The following PDE2A variants were observed in gnomAD, a reference collection of about 807,000 sequenced individuals.
PDE2A encodes the protein phosphodiesterase 2A.
In PDE2A, 53 loss-of-function variants were observed where a neutral mutation model predicts 133.6. The ratio of observed to expected loss-of-function variants is 0.40; its 90% CI spans 0.32 to 0.50. The LOEUF (loss-of-function observed/expected upper bound fraction) is 0.50, where lower values mean the gene tolerates loss of function less well. PDE2A is among the 20% of genes least tolerant of loss of function. PDE2A has a pLI of 0.73. For missense variants in PDE2A, 796 were observed against 1,232.4 expected (o/e 0.65, Z 5.30); for synonymous variants, 491 against 490.2 (o/e 1.00, Z -0.02).
chr11:72,610,702 T>C (rs1857170476), intron 2 of PDE2A, among the ~76,000 whole-genome samples: 1 of 152,160 alleles, frequency 6.6e-6, no homozygotes, highest in South Asian at 2.1e-4. Flanking sequence ...AATACCCAAA[T>C]TGGATCACTT....
intron 2 of PDE2A, among the ~76,000 whole-genome samples, chr11:72,637,256 A>G (rs1165030850): frequency 6.6e-6 from 1 of 150,476 alleles, no homozygotes; most frequent in Admixed American, 6.6e-5. Context: ...CTCCCCACAC[A>G]CTCTACCAAC....
intron 4 of PDE2A, among the ~76,000 whole-genome samples, chr11:72,598,117 C>T (rs977864919): frequency 1.3e-5 from 2 of 152,232 alleles, no homozygotes; most frequent in Admixed American, 6.5e-5. Flanking sequence ...GTCCCGTGCA[C>T]AGCCCAAGCA....
intron 1 of PDE2A, among the ~76,000 whole-genome samples, chr11:72,654,187 G>C (rs146849844): frequency 6.6e-6 from 1 of 152,194 alleles, no homozygotes; most frequent in African/African-American, 2.4e-5. Context: ...ACCAGTGACC[G>C]GTAGAACACA....
chr11:72,629,057 G>A (rs1478588793), intron 2 of PDE2A, among the ~76,000 whole-genome samples: 2 of 152,224 alleles, frequency 1.3e-5, no homozygotes, highest in African/African-American at 4.8e-5. Flanking sequence ...GGATGAGTGT[G>A]GGGATGGGGT....
At chr11:72,674,018 A>T in intron 1 of PDE2A, 119 bp downstream of exon 1, 1 of 1,010,452 alleles carries the variant, frequency 9.9e-7, no homozygotes, top group Non-Finnish European at 1.5e-6. Flanking sequence ...CAGGAACAGG[A>T]TCGATCCTTC....
intron 2 of PDE2A, 74 bp downstream of exon 2, chr11:72,642,180 G>A: frequency 5.9e-6 from 8 of 1,365,598 alleles, no homozygotes; most frequent in Non-Finnish European, 6.6e-6. Flanking sequence ...AGAAGGGTTC[G>A]GGGGCGGGCA....
Position 72,588,861 on chromosome 11 carries a change from G to A in PDE2A, c.993C>T (p.Leu331=). The change falls in exon 13 of 31, where the codon CTC becomes CTT. Residue 331 remains leucine, a synonymous_variant. Transcript: ENST00000334456. ...TGGCCCGGCTGATGACAGGGACACA[G>A]AGCATGGCCTGCAGCTCACAGCCCA... ...SMLGCELQAM[L]CVPVISRATD... 6.2e-7 allele frequency: 1 copy of A among 1,611,926 alleles called. No individual in the cohort carries two copies. Among genetic ancestry groups the A allele is most frequent in the Non-Finnish European group, 8.5e-7 (1 of 1,178,564 alleles).
intron 1 of PDE2A, among the ~76,000 whole-genome samples, chr11:72,654,335 A>G (rs1040062673): frequency 5.9e-5 from 9 of 152,220 alleles, no homozygotes; most frequent in African/African-American, 2.2e-4. Flanking sequence ...GTCACGGATG[A>G]GAGGGCTGAG....
At chr11:72,579,148 G>C (rs1855598606) in intron 27 of PDE2A, 136 bp downstream of exon 27, 2 of 941,362 alleles carry the variant, frequency 2.1e-6, no homozygotes, top group Non-Finnish European at 3.4e-6. Context: ...TGCTGGGTCT[G>C]CCTGGGGGGG....
At position 72,590,777 on chromosome 11, in the gene PDE2A, G is replaced by A. The variant is rs569182621; in HGVS notation, c.550-197C>T. On this transcript the variant is annotated intron_variant, in intron 7 of 30. Transcript: ENST00000334456. The surrounding 1 kb of genome is among the most constrained non-coding windows in gnomAD (Gnocchi z 4.8). ...GGCTCCCACAGCCCCTGGAGCGTCC[G>A]GCGGTCCAGGAACAGGAGGGTACAG... Among the ~76,000 whole-genome samples the A allele has an allele frequency of 1.3e-5, 2 of 152,296 alleles. No homozygotes were observed. The highest frequency in any genetic ancestry group is 4.8e-5 in the African/African-American group (2 of 41,558).
chr11:72,580,449 AG>A (rs1004560975), intron 25 of PDE2A, 127 bp downstream of exon 25: 1 of 737,882 alleles, frequency 1.4e-6, no homozygotes. Flanking sequence ...GACATGTCCT[AG>A]GTGTGGCTGC....
Position 72,579,316 on chromosome 11 carries a change from C to G in PDE2A, c.2324G>C (p.Arg775Pro). Reference sequence around the variant, plus strand: ...CATCTTCTGGAGGTCCTTGAAGATGCGGAGATGGTGGGCCAGGTCTGTGGC... The same window carrying G: ...CATCTTCTGGAGGTCCTTGAAGATGGGGAGATGGTGGGCCAGGTCTGTGGC... ...ILATDLAHHL[R>P]IFKDLQKMAE... is the part of the protein sequence containing the mutation. Residue 775 changes from arginine to proline, a missense_variant, in exon 27 of 31, where the codon CGC becomes CCC. By Grantham distance (103) the Arg-to-Pro change is moderately radical (BLOSUM62 -2). Coordinates refer to ENST00000334456, the MANE Select transcript of PDE2A (RefSeq NM_002599.5). 1 of 1,613,640 alleles carries G rather than the reference C, an allele frequency of 6.2e-7. No individual in the cohort carries two copies. Among genetic ancestry groups the G allele is most frequent in the Admixed American group, 1.7e-5 (1 of 60,018 alleles).
chr11:72,639,647 A>G (rs1858866398), intron 2 of PDE2A, among the ~76,000 whole-genome samples: 1 of 152,158 alleles, frequency 6.6e-6, no homozygotes, highest in South Asian at 2.1e-4. Flanking sequence ...CAAGGCCCCA[A>G]ACACCAGTCA....
At chr11:72,639,510 G>A (rs540832842) in intron 2 of PDE2A, among the ~76,000 whole-genome samples, 56 of 152,198 alleles carry the variant, frequency 3.7e-4, no homozygotes, top group African/African-American at 6.7e-4. Flanking sequence ...ACCAACAGGC[G>A]CCACCAAAGA....
At position 72,578,371 on chromosome 11, in the gene PDE2A, C is replaced by T; in HGVS notation, c.2509-32G>A. The T allele has an allele frequency of 4.4e-6, 7 of 1,582,610 alleles. No individual in the cohort carries two copies. The highest frequency in any genetic ancestry group is 5.2e-6 in the Non-Finnish European group (6 of 1,151,334). ...GCATCGAGTCGTCAGGCCTGTCCCTCTCATTCCTCCATCGGGTACCAGGGT... is the reference window on the plus strand; with the variant it reads ...GCATCGAGTCGTCAGGCCTGTCCCTTTCATTCCTCCATCGGGTACCAGGGT... On this transcript the variant is annotated intron_variant, in intron 29 of 30. Coordinates refer to ENST00000334456, the MANE Select transcript of PDE2A (RefSeq NM_002599.5). The surrounding 1 kb of genome is among the most constrained non-coding windows in gnomAD (Gnocchi z 4.2).
At chr11:72,580,423 C>T (rs952015981) in intron 25 of PDE2A, among the ~76,000 whole-genome samples, 154 bp downstream of exon 25, 1 of 152,158 alleles carries the variant, frequency 6.6e-6, no homozygotes, top group Non-Finnish European at 1.5e-5. Context: ...CAAGCCCACT[C>T]CAGGAAAATG....
chr11:72,633,516 G>T (rs1858525103), intron 2 of PDE2A, among the ~76,000 whole-genome samples: 1 of 152,202 alleles, frequency 6.6e-6, no homozygotes, highest in South Asian at 2.1e-4. Flanking sequence ...GAGGAGGTGT[G>T]TGAGGCCTGA....
At chr11:72,644,628 G>C (rs2135441360) in intron 1 of PDE2A, among the ~76,000 whole-genome samples, 1 of 152,340 alleles carries the variant, frequency 6.6e-6, no homozygotes, top group East Asian at 1.9e-4. Flanking sequence ...TCAGACCATG[G>C]TCAACAGCCG....
Position 72,578,621 on chromosome 11 carries a change from C to T in PDE2A, c.2470-107G>A. 1 of 1,011,388 alleles carries T rather than the reference C, an allele frequency of 9.9e-7. No homozygotes were observed. The highest frequency in any genetic ancestry group is 1.5e-6 in the Non-Finnish European group (1 of 646,838). The allele number at this position is 1,011,388 out of a possible 1,614,324, so 62.7% of individuals were successfully genotyped here. ...AAAACTGAGGCCCAGGGATTCAGTC[C>T]CAGCTCAGGAGCCGTCCCCACCAGC... On this transcript the variant is annotated intron_variant, in intron 28 of 30. Coordinates refer to ENST00000334456, the MANE Select transcript of PDE2A (RefSeq NM_002599.5). This position sits in a 1 kb window ranked among gnomAD's most constrained non-coding sequence, Gnocchi z 4.2.
Sources: gnomAD v4.1 joint callset for allele counts (sites outside exome capture counted in the v4.1 genomes callset) on GRCh38, gnomAD v4.1.1 for gene constraint, Gnocchi (gnomAD v3.1) non-coding constraint, MANE v1.5 for transcripts, NCBI Gene and HGNC (gene_info 2026-07-23, HGNC 2026-07-21) for gene names.